Variants in DAG1 observed in about 807,000 individuals in gnomAD.
The protein encoded by DAG1 is dystroglycan 1.
In DAG1, 8 loss-of-function variants were observed where a neutral mutation model predicts 46.1. The ratio of observed to expected loss-of-function variants is 0.17; its 90% confidence interval spans 0.10 to 0.31. DAG1 has a LOEUF of 0.31. DAG1 is among the 10% of genes least tolerant of loss of function. The pLI, the probability that DAG1 is intolerant of heterozygous loss-of-function variation, is 1.00. For missense variants in DAG1, 1,003 were observed against 1,189.9 expected (o/e 0.84, Z 2.31); for synonymous variants, 495 against 481.8 (o/e 1.03, Z -0.36).
Position 49,531,691 on chromosome 3 carries a change from G to A in DAG1, c.1180G>A (p.Gly394Ser). The A allele has an allele frequency of 6.2e-7, 1 of 1,613,530 alleles. No individual in the cohort carries two copies. The highest frequency in any genetic ancestry group is 8.5e-7 in the Non-Finnish European group (1 of 1,179,674). Residue 394 changes from glycine (G) to serine (S), a missense_variant, in exon 3 of 3, where the codon GGC becomes AGC. Gly to Ser is a moderately conservative substitution (Grantham distance 56, BLOSUM62 0). Around this residue, in one of 3 missense-constraint regions of DAG1, gnomAD observed 755 missense variants for 854.1 expected, o/e 0.88. Coordinates refer to ENST00000308775, the MANE Select transcript of DAG1 (RefSeq NM_004393.6). This position sits in a 1 kb window ranked among gnomAD's most constrained non-coding sequence, Gnocchi z 7.0. ...PIQPTRVSEAGTTVPGQIRPT... is the reference protein window; with the variant it reads ...PIQPTRVSEASTTVPGQIRPT... ...CCAGCCTACTCGGGTGTCAGAAGCT[G>A]GCACCACAGTTCCTGGCCAGATTCG...
At chr3:49,503,681 AGC>A (rs1317765307) in intron 1 of DAG1, among the ~76,000 whole-genome samples, 23 of 151,280 alleles carry the variant, frequency 1.5e-4, no homozygotes, top group Non-Finnish European at 2.9e-5. Flanking sequence ...ACAAAAACAT[AGC>A]CAGGTGTGGT....
At position 49,478,960 on chromosome 3, in the gene DAG1, C is replaced by A. The variant is rs1009075232; in HGVS notation, c.-117+8527C>A. 4.6e-5 allele frequency among the ~76,000 whole-genome samples: 7 copies of A among 151,442 alleles called. No individual in the cohort carries two copies. In the East Asian group the frequency reaches 1.4e-3, roughly 29 times the overall value. On this transcript the variant is annotated intron_variant, in intron 1 of 2. Transcript: ENST00000308775. ...TCTTGAGTAGCTGGGATTACAGGTG[C>A]CCACCATCACGCCGAGCTAAGTTTT...
intron 1 of DAG1, among the ~76,000 whole-genome samples, chr3:49,500,313 C>G (rs372127855): frequency 3.2e-4 from 49 of 152,278 alleles, no homozygotes; most frequent in East Asian, 2.5e-3. Context: ...CCTACCTGGC[C>G]TGACATTTTA....
At chr3:49,469,847 C>T (rs1157351345), upstream of DAG1, among the ~76,000 whole-genome samples, 1 of 152,226 alleles carries the variant, frequency 6.6e-6, no homozygotes, top group African/African-American at 2.4e-5. Flanking sequence ...TGGCCAGTTG[C>T]TGGGCCAGTT....
intron 1 of DAG1, 92 bp from the exon 2 acceptor site, chr3:49,510,327 G>A: frequency 1.6e-6 from 1 of 614,722 alleles, no homozygotes; most frequent in East Asian, 2.7e-5. Flanking sequence ...CCAACTCGGG[G>A]TAGATGTTTT....
Position 49,532,644 on chromosome 3 carries a change from C to T in DAG1, c.2133C>T (p.Gly711=). ...CAAGCATCACTGTGACGGGCTCTGGCAGTTGTCGGCACCTACAGTTTATCC... is the reference window on the plus strand; with the variant it reads ...CAAGCATCACTGTGACGGGCTCTGGTAGTTGTCGGCACCTACAGTTTATCC... ...KATSITVTGS[G]SCRHLQFIPV... is the part of the protein sequence containing the mutation. Residue 711 remains glycine, a synonymous_variant, in exon 3 of 3, where the codon GGC becomes GGT. Transcript: ENST00000308775. This position sits in a 1 kb window ranked among gnomAD's most constrained non-coding sequence, Gnocchi z 5.4. 1.9e-6 allele frequency: 3 copies of T among 1,614,080 alleles called. No individual in the cohort carries two copies. In the South Asian group the frequency reaches 3.3e-5, roughly 18 times the overall value.
chr3:49,516,554 AT>A (rs1200405396), intron 2 of DAG1, among the ~76,000 whole-genome samples: 1 of 152,222 alleles, frequency 6.6e-6, no homozygotes, highest in African/African-American at 2.4e-5. Flanking sequence ...TTATTGATCC[AT>A]TATTAGTACA....
chr3:49,519,686 G>A (rs1329712039), intron 2 of DAG1, among the ~76,000 whole-genome samples: 2 of 152,120 alleles, frequency 1.3e-5, no homozygotes, highest in Non-Finnish European at 2.9e-5. Flanking sequence ...AATGGCATTT[G>A]CCCAGATTCA....
At chr3:49,490,378 A>G (rs1290999294) in intron 1 of DAG1, among the ~76,000 whole-genome samples, 1 of 136,630 alleles carries the variant, frequency 7.3e-6, no homozygotes, top group African/African-American at 2.6e-5. Context: ...TTTTTTTTTT[A>G]TATAACTTTA....
chr3:49,527,821 A>G (rs564207704), intron 2 of DAG1, among the ~76,000 whole-genome samples: 2 of 152,320 alleles, frequency 1.3e-5, no homozygotes, highest in South Asian at 4.1e-4. Context: ...CTAGCCAGCC[A>G]TTTGGCTCCC....
chr3:49,481,953 G>A (rs1029988965), intron 1 of DAG1, among the ~76,000 whole-genome samples: 7 of 152,066 alleles, frequency 4.6e-5, no homozygotes, highest in African/African-American at 1.2e-4. Context: ...GGTTGCGTCC[G>A]TATGAAACAT....
chr3:49,502,434 G>A (rs576883074), intron 1 of DAG1, among the ~76,000 whole-genome samples: 1 of 152,252 alleles, frequency 6.6e-6, no homozygotes, highest in East Asian at 1.9e-4. Context: ...AAGTGACCCA[G>A]CCATCTACTG....
Position 49,531,524 on chromosome 3 carries a change from T to C in DAG1, c.1013T>C (p.Ile338Thr). 1.2e-6 allele frequency: 2 copies of C among 1,610,984 alleles called. No individual in the cohort carries two copies. The highest frequency in any genetic ancestry group is 1.7e-6 in the Non-Finnish European group (2 of 1,177,772). ...GCTATCCAGGAGCCCCCATCCAGGA[T>C]CGTGCCAACCCCCACATCTCCAGCC... ...TTAIQEPPSR[I>T]VPTPTSPAIA... Residue 338 changes from isoleucine (I) to threonine (T), a missense_variant, in exon 3 of 3, where the codon ATC becomes ACC. Around this residue, in one of 3 missense-constraint regions of DAG1, gnomAD observed 755 missense variants for 854.1 expected, o/e 0.88. Transcript: ENST00000308775. The surrounding 1 kb of genome is among the most constrained non-coding windows in gnomAD (Gnocchi z 7.0).
chr3:49,484,044 G>A (rs922571702), intron 1 of DAG1, among the ~76,000 whole-genome samples: 1 of 152,182 alleles, frequency 6.6e-6, no homozygotes, highest in Non-Finnish European at 1.5e-5. Context: ...GAGTAGAAGA[G>A]AGGCTCTTTA....
At chr3:49,508,214 AT>A (rs1221278485) in intron 1 of DAG1, among the ~76,000 whole-genome samples, 2 of 97,196 alleles carry the variant, frequency 2.1e-5, no homozygotes, top group Non-Finnish European at 4.1e-5. Context: ...TTTTTTTTTA[AT>A]AATGAGATGG....
chr3:49,473,220 C>T (rs1214017856), intron 1 of DAG1, among the ~76,000 whole-genome samples: 1 of 152,022 alleles, frequency 6.6e-6, no homozygotes, highest in African/African-American at 2.4e-5. Context: ...TCAAGACCAT[C>T]CTGGCTAACA....
In DAG1 at chr3:49,533,441, A is replaced by G; in HGVS notation, c.*242A>G. On this transcript the variant is annotated 3_prime_UTR_variant, in exon 3 of 3. Coordinates refer to ENST00000308775, the MANE Select transcript of DAG1 (RefSeq NM_004393.6). ...TTGCCTAACAGCTTTTGGTTTGTTCATAGAGAATTCTTCGCTTCATTTTTG... is the reference window on the plus strand; with the variant it reads ...TTGCCTAACAGCTTTTGGTTTGTTCGTAGAGAATTCTTCGCTTCATTTTTG... 1.4e-6 allele frequency: 1 copy of G among 696,768 alleles called. No homozygotes were observed. Among genetic ancestry groups the G allele is most frequent in the Non-Finnish European group, 2.6e-6 (1 of 385,474 alleles). 43.2% of individuals were successfully genotyped at this position (696,768 alleles called of 1,614,324 possible).
intron 2 of DAG1, among the ~76,000 whole-genome samples, chr3:49,524,973 A>C (rs1485206462): frequency 6.6e-6 from 1 of 151,972 alleles, no homozygotes; most frequent in African/African-American, 2.4e-5. Flanking sequence ...TGAGACCCTT[A>C]TATATACATA....
intron 2 of DAG1, among the ~76,000 whole-genome samples, chr3:49,512,475 T>C (rs2050788686): frequency 6.6e-6 from 1 of 151,646 alleles, no homozygotes; most frequent in Non-Finnish European, 1.5e-5. Context: ...CACTGCAACC[T>C]CCATCTCCCA....
Sources: gnomAD v4.1 joint callset for allele counts (sites outside exome capture counted in the v4.1 genomes callset) on GRCh38, gnomAD v4.1.1 for gene constraint, gnomAD v4.1.1 regional missense constraint, Gnocchi (gnomAD v3.1) non-coding constraint, MANE v1.5 for transcripts, NCBI Gene and HGNC (gene_info 2026-07-23, HGNC 2026-07-21) for gene names.